The following DCLRE1A variants were observed in gnomAD, a reference collection of about 807,000 sequenced individuals.
DCLRE1A encodes DNA cross-link repair 1A protein.
Under a neutral mutation model 91.9 loss-of-function variants are expected in DCLRE1A, and 64 were observed. The observed-to-expected ratio is 0.70, with a 90% CI of 0.57 to 0.86. The LOEUF (loss-of-function observed/expected upper bound fraction) is 0.86. Among genes scored for constraint, DCLRE1A ranks in the 40% least tolerant of loss-of-function variants. The pLI, the probability that DCLRE1A is intolerant of heterozygous loss-of-function variation, is 0.00. For missense variants in DCLRE1A, 1,145 were observed against 1,213.3 expected (o/e 0.94, Z 0.84); for synonymous variants, 416 against 431.1 (o/e 0.96, Z 0.43).
rs574125350 is a variant in DCLRE1A, at chr10:113,836,413, G to A, written c.2962+649C>T. On this transcript the variant is annotated intron_variant, in intron 8 of 8. Coordinates refer to ENST00000361384, the MANE Select transcript of DCLRE1A (RefSeq NM_014881.5). ...GTCAAATGTGAAGAATAACAAGCAG[G>A]AGACTCTCACTTCCAGAGCAGGTAA... Among the ~76,000 whole-genome samples, 16 of 152,020 alleles carry A rather than the reference G, an allele frequency of 1.1e-4. No homozygotes were observed. The South Asian group carries it at 3.3e-3, about 32-fold the overall frequency.
rs1845525497 is a variant in DCLRE1A, at chr10:113,845,693, A to G, written c.2370T>C (p.Asp790=). The G allele has an allele frequency of 2.5e-6, 4 of 1,613,698 alleles. No homozygotes were observed. In the Admixed American group the frequency reaches 6.7e-5, roughly 27 times the overall value. Residue 790 remains aspartate, a synonymous_variant, in exon 4 of 9, where the codon GAT becomes GAC. Transcript: ENST00000361384. ...ATGACTTTAATACTTACTGATTGGC[A>G]TCAAGCAAAACAACTTTGACACCAT... ...IVNGVKVVLL[D]ANHCPGAVMI...
chr10:113,845,970 C>A lies in DCLRE1A; in HGVS notation c.2260-167G>T, dbSNP rs377382742. Among the ~76,000 whole-genome samples, 12 of 152,320 alleles carry A rather than the reference C, an allele frequency of 7.9e-5. No homozygotes were observed. In the South Asian group the frequency reaches 2.5e-3, roughly 32 times the overall value. On this transcript the variant is annotated intron_variant, in intron 3 of 8. Coordinates refer to ENST00000361384, the MANE Select transcript of DCLRE1A (RefSeq NM_014881.5). The stretch of plus-strand genomic sequence containing the variant: ...TTCCTATAATGGCTGTGCCACTACT[C>A]TGCTTGAAAATCGTCACTGACTTCG...
chr10:113,842,735 C>T (rs1014717300), intron 5 of DCLRE1A, among the ~76,000 whole-genome samples: 17 of 152,016 alleles, frequency 1.1e-4, no homozygotes, highest in Non-Finnish European at 2.4e-4. Context: ...AAAAAATTGT[C>T]TTTTTGAAGA....
chr10:113,842,633 G>T, intron 5 of DCLRE1A, 145 bp from the exon 6 acceptor site: 1 of 628,758 alleles, frequency 1.6e-6, no homozygotes, highest in Non-Finnish European at 2.5e-6. Flanking sequence ...CTCACTGCCT[G>T]TGGTTGGAAT....
intron 8 of DCLRE1A, 145 bp downstream of exon 8, chr10:113,836,917 G>C (rs1014870802): frequency 1.5e-6 from 1 of 687,196 alleles, no homozygotes; most frequent in Non-Finnish European, 2.3e-6. Context: ...ACTAGATACA[G>C]GATTAGAGTT....
rs1218764587 is a variant in DCLRE1A at position 113,849,591 on chromosome 10, A to T, written c.1514T>A (p.Phe505Tyr). 3.7e-6 allele frequency: 6 copies of T among 1,613,910 alleles called. No individual in the cohort carries two copies. The highest frequency in any genetic ancestry group is 2.5e-6 in the Non-Finnish European group (3 of 1,180,032). ...NAKNNTNSAC[F>Y]CRKALEGVPV... The stretch of plus-strand genomic sequence containing the variant: ...CACACCCTCTAATGCCTTTCTGCAG[A>T]AACATGCTGAGTTAGTATTATTCTT... The change falls in exon 2 of 9, where the codon TTC (phenylalanine) becomes TAC (tyrosine). Residue 505 changes from phenylalanine to tyrosine, a missense_variant. Coordinates refer to ENST00000361384, the MANE Select transcript of DCLRE1A (RefSeq NM_014881.5).
At chr10:113,848,853 T>C in intron 2 of DCLRE1A, 127 bp downstream of exon 2, 1 of 883,054 alleles carries the variant, frequency 1.1e-6, no homozygotes, top group Non-Finnish European at 1.7e-6. Context: ...TCATGAAGTA[T>C]CACAAAAGCA....
Position 113,849,999 on chromosome 10 carries a change from T to C in DCLRE1A, c.1106A>G (p.Asp369Gly), listed in dbSNP as rs149878342. 3.7e-6 allele frequency: 6 copies of C among 1,614,046 alleles called. No homozygotes were observed. The African/African-American group carries it at 5.3e-5, about 14-fold the overall frequency. ...CPKVNSFLTR[D>G]KYDEGLYRFN... The stretch of plus-strand genomic sequence containing the variant: ...TCTATACAATCCTTCATCATACTTA[T>C]CCCGAGTTAAGAAGCTGTTCACTTT... The change falls in exon 2 of 9, where the codon GAT becomes GGT. Residue 369 changes from aspartate to glycine, a missense_variant. Transcript: ENST00000361384.
intron 1 of DCLRE1A, among the ~76,000 whole-genome samples, chr10:113,852,032 G>C (rs1291905194): frequency 6.6e-6 from 1 of 152,078 alleles, no homozygotes; most frequent in Non-Finnish European, 1.5e-5. Flanking sequence ...TTTCTATGGA[G>C]TTCCATAATA....
At chr10:113,851,716 T>G (rs1053183262) in intron 1 of DCLRE1A, among the ~76,000 whole-genome samples, 4 of 150,598 alleles carry the variant, frequency 2.7e-5, no homozygotes, top group African/African-American at 9.7e-5. Context: ...CCACATTATA[T>G]CTATACTTTT....
At chr10:113,852,010 C>A (rs1845657161) in intron 1 of DCLRE1A, among the ~76,000 whole-genome samples, 1 of 152,290 alleles carries the variant, frequency 6.6e-6, no homozygotes, top group African/African-American at 2.4e-5. Context: ...CTGTGCCCAG[C>A]CTATTTATAA....
At chr10:113,848,702 C>G (rs1845583086) in intron 2 of DCLRE1A, among the ~76,000 whole-genome samples, 1 of 152,132 alleles carries the variant, frequency 6.6e-6, no homozygotes, top group Non-Finnish European at 1.5e-5. Flanking sequence ...CCCTATTCCT[C>G]TCTTACTAAT....
At chr10:113,847,161 C>T in intron 3 of DCLRE1A, 41 bp downstream of exon 3, 1 of 1,484,842 alleles carries the variant, frequency 6.7e-7, no homozygotes, top group Non-Finnish European at 9.1e-7. Flanking sequence ...TAGAAATTCA[C>T]AGCATTCTAC....
In DCLRE1A at chr10:113,852,578, T is replaced by C. The variant is rs951198753; in HGVS notation, c.460+145A>G. The C allele has an allele frequency of 2.9e-5, 22 of 754,504 alleles. No individual in the cohort carries two copies. In the East Asian group the frequency reaches 5.7e-4, roughly 19 times the overall value. 46.7% of individuals were successfully genotyped at this position (754,504 alleles called of 1,614,324 possible). On this transcript the variant is annotated intron_variant, in intron 1 of 8. Coordinates refer to ENST00000361384, the MANE Select transcript of DCLRE1A (RefSeq NM_014881.5). ...TAGTCTGCCATTTGCTTTACAATTATACCGTTGACTGGTATGGTGTTTCCC... is the reference window on the plus strand; with the variant it reads ...TAGTCTGCCATTTGCTTTACAATTACACCGTTGACTGGTATGGTGTTTCCC...
intron 4 of DCLRE1A, 85 bp from the exon 5 acceptor site, chr10:113,844,329 C>T (rs907212052): frequency 3.9e-5 from 60 of 1,533,524 alleles, no homozygotes; most frequent in Admixed American, 1.3e-4. Flanking sequence ...CAAGTTAGCA[C>T]GCTTTATTAG....
intron 6 of DCLRE1A, among the ~76,000 whole-genome samples, chr10:113,842,107 A>G (rs1400855482): frequency 6.6e-6 from 1 of 152,198 alleles, no homozygotes; most frequent in African/African-American, 2.4e-5. Flanking sequence ...TGCTCTATAA[A>G]TTTCTTATAT....
At position 113,853,219 on chromosome 10, in the gene DCLRE1A, T is replaced by C. The variant is rs1845690745; in HGVS notation, c.-37A>G. The C allele has an allele frequency of 6.8e-7, 1 of 1,462,096 alleles. No individual in the cohort carries two copies. Among genetic ancestry groups the C allele is most frequent in the Admixed American group, 2.6e-5 (1 of 38,968 alleles). 90.6% of individuals were successfully genotyped at this position (1,462,096 alleles called of 1,614,324 possible). A position where few individuals can be genotyped will look rare whatever the true frequency, so the allele number is the denominator to read the frequency against. ...TTTATCATTCAAGAAGTATTAATCT[T>C]AAGTAAACTGAAAGTCCATTTCTTG... On this transcript the variant is annotated 5_prime_UTR_variant, in exon 1 of 9. It removes the in-frame stop codon of an upstream open reading frame in the 5' UTR. Coordinates refer to ENST00000361384, the MANE Select transcript of DCLRE1A (RefSeq NM_014881.5).
At position 113,850,437 on chromosome 10, in the gene DCLRE1A, G is replaced by A. The variant is rs767319245; in HGVS notation, c.668C>T (p.Ser223Leu). The A allele has an allele frequency of 2.4e-5, 39 of 1,614,070 alleles. No homozygotes were observed. The highest frequency in any genetic ancestry group is 3.1e-5 in the Non-Finnish European group (37 of 1,180,046). ...WSSYQNQTDN[S>L]VSNDPLLMTQ... ...CATCAATAAGGGATCATTTGAAACC[G>A]AGTTATCAGTTTGGTTCTGATACGA... Residue 223 changes from serine to leucine, a missense_variant, in exon 2 of 9, where the codon TCG becomes TTG. Ser to Leu is a moderately radical substitution (Grantham distance 145). Coordinates refer to ENST00000361384, the MANE Select transcript of DCLRE1A (RefSeq NM_014881.5).
At position 113,849,242 on chromosome 10, in the gene DCLRE1A, C is replaced by CT. The variant is rs1289074804; in HGVS notation, c.1862dup (p.Leu622AlafsTer7). 6.2e-7 allele frequency: 1 copy of CT among 1,613,994 alleles called. No homozygotes were observed. On this transcript the variant is annotated frameshift_variant, in exon 2 of 9. Transcript: ENST00000361384. LOFTEE classifies it high-confidence loss of function. ...TCTCACTAGAAAGTTCCACAGAAAG[C>CT]TGACTCTCATGTAAAGTACTTGCAT...
Sources: allele counts gnomAD v4.1 joint callset (sites outside exome capture counted in the v4.1 genomes callset), GRCh38; gene constraint gnomAD v4.1.1; transcripts MANE v1.5; gene names NCBI Gene and HGNC (gene_info 2026-07-23, HGNC 2026-07-21).